MYO5B: variants seen among roughly 807,000 people sequenced by gnomAD.
MYO5B encodes myosin VB.
In MYO5B, 143 loss-of-function variants were observed where a neutral mutation model predicts 229.3. That is an observed-to-expected ratio of 0.62 (90% confidence interval 0.54 to 0.72). The LOEUF is 0.72. Ranked by LOEUF, MYO5B falls within the 30% of genes least tolerant of loss-of-function variation. MYO5B has a pLI of 0.00. For synonymous variants in MYO5B, 918 were observed against 885.2 expected (o/e 1.04, Z -0.66); for missense variants, 2,321 against 2,331.0 (o/e 1.00, Z 0.09).
intron 2 of MYO5B, among the ~76,000 whole-genome samples, chr18:50,047,460 G>A (rs540363867): frequency 1.3e-5 from 2 of 152,232 alleles, no homozygotes; most frequent in East Asian, 1.9e-4. Context: ...GAGAGGATGT[G>A]GAGAAATAGA....
At chr18:49,991,426 C>T (rs533033906) in intron 6 of MYO5B, among the ~76,000 whole-genome samples, 9 of 152,118 alleles carry the variant, frequency 5.9e-5, no homozygotes, top group African/African-American at 1.9e-4. Context: ...CATCTTGGTT[C>T]AGTGATGGGA....
chr18:49,940,640 A>C (rs1173101238), intron 14 of MYO5B, among the ~76,000 whole-genome samples: 1 of 152,034 alleles, frequency 6.6e-6, no homozygotes, highest in Admixed American at 6.6e-5. Context: ...CAGTCTGACG[A>C]CTCTGGTATT....
chr18:50,005,378 TATATATTTGCTGCAAG>T (rs1042135012), intron 4 of MYO5B, among the ~76,000 whole-genome samples: 5 of 152,252 alleles, frequency 3.3e-5, no homozygotes, highest in African/African-American at 1.2e-4. Flanking sequence ...CTCCCCATCT[TATATATTTGCTGCAAG>T]ATTGTGAGAT....
At chr18:49,877,334 T>G (rs1407793099) in intron 25 of MYO5B, among the ~76,000 whole-genome samples, 1 of 152,234 alleles carries the variant, frequency 6.6e-6, no homozygotes, top group Non-Finnish European at 1.5e-5. Flanking sequence ...GTTCTGAGTT[T>G]TATCCAGCTT....
intron 12 of MYO5B, among the ~76,000 whole-genome samples, chr18:49,955,644 T>C (rs975930646): frequency 2.0e-5 from 3 of 152,246 alleles, no homozygotes; most frequent in Admixed American, 6.5e-5. Context: ...AAGATTCATT[T>C]TGGCATAACT....
At chr18:49,939,288 G>C (rs2025287811) in intron 14 of MYO5B, among the ~76,000 whole-genome samples, 1 of 151,638 alleles carries the variant, frequency 6.6e-6, no homozygotes, top group Non-Finnish European at 1.5e-5. Flanking sequence ...TGGGACTGCA[G>C]GCGTGCACTA....
chr18:50,072,734 A>G (rs2030987949), intron 1 of MYO5B, among the ~76,000 whole-genome samples: 1 of 152,214 alleles, frequency 6.6e-6, no homozygotes, highest in African/African-American at 2.4e-5. Flanking sequence ...AGTAAGCAGC[A>G]GGACACACAG....
At chr18:49,874,878 C>T (rs2024498989) in intron 26 of MYO5B, among the ~76,000 whole-genome samples, 1 of 152,196 alleles carries the variant, frequency 6.6e-6, no homozygotes, top group African/African-American at 2.4e-5. Flanking sequence ...TCAATGGATT[C>T]TCTACTCCTA....
chr18:49,847,676 A>G (rs1218686557), intron 32 of MYO5B, among the ~76,000 whole-genome samples: 67 of 152,250 alleles, frequency 4.4e-4, no homozygotes, highest in Admixed American at 4.4e-3. Context: ...CTGACTTCTA[A>G]GGAAAGGAGA....
chr18:50,035,557 C>T (rs190189068), intron 4 of MYO5B, among the ~76,000 whole-genome samples: 1 of 152,324 alleles, frequency 6.6e-6, no homozygotes, highest in East Asian at 1.9e-4. Flanking sequence ...CATGCGCAGG[C>T]TGCATACTGT....
chr18:49,898,352 C>T (rs1443054277), intron 21 of MYO5B, among the ~76,000 whole-genome samples: 3 of 152,142 alleles, frequency 2.0e-5, no homozygotes, highest in Non-Finnish European at 4.4e-5. Flanking sequence ...TCATATTTCT[C>T]ATATAAAATA....
At chr18:49,958,580 C>T (rs1007818876) in intron 12 of MYO5B, among the ~76,000 whole-genome samples, 3 of 152,190 alleles carry the variant, frequency 2.0e-5, no homozygotes, top group Non-Finnish European at 4.4e-5. Context: ...GGCTGGTCTT[C>T]CATCCACCCA....
chr18:50,118,694 G>C (rs1402026277), intron 1 of MYO5B, among the ~76,000 whole-genome samples: 1 of 148,418 alleles, frequency 6.7e-6, no homozygotes, highest in East Asian at 2.0e-4. Flanking sequence ...GCGCGATCTC[G>C]GCTCACTGCA....
intron 1 of MYO5B, among the ~76,000 whole-genome samples, chr18:50,151,615 T>C (rs1022260441): frequency 9.2e-5 from 14 of 152,234 alleles, no homozygotes; most frequent in Non-Finnish European, 1.9e-4. Flanking sequence ...CATTGTTATG[T>C]GCATTAAACT....
chr18:49,963,043 AAG>A lies in MYO5B; in HGVS notation c.1323-15_1323-14del. 1.3e-5 allele frequency: 21 copies of A among 1,604,054 alleles called. No homozygotes were observed. Among genetic ancestry groups the A allele is most frequent in the Non-Finnish European group, 1.8e-5 (21 of 1,170,830 alleles). ...AAATGTCTCAAACCTACAGAATGGA[AAG>A]AGAAGATAAGAGACGTCTCCTTTCA... On this transcript the variant is annotated splice_polypyrimidine_tract_variant and intron_variant, in intron 10 of 39. Coordinates refer to ENST00000285039, the MANE Select transcript of MYO5B (RefSeq NM_001080467.3).
intron 4 of MYO5B, among the ~76,000 whole-genome samples, chr18:50,033,357 G>C (rs75475445): frequency 3.9e-5 from 6 of 152,070 alleles, no homozygotes; most frequent in African/African-American, 1.4e-4. Context: ...TAGTTTTCTC[G>C]GACGATCTGT....
chr18:49,999,777 T>C (rs114786421), intron 5 of MYO5B, among the ~76,000 whole-genome samples: 1,999 of 152,230 alleles, frequency 0.013, 44 homozygotes, highest in African/African-American at 0.045. Flanking sequence ...AAATGCAAAT[T>C]TGGGGGGCCC....
intron 22 of MYO5B, among the ~76,000 whole-genome samples, chr18:49,894,115 C>G (rs1217716477): frequency 2.0e-5 from 3 of 152,226 alleles, no homozygotes; most frequent in Non-Finnish European, 4.4e-5. Context: ...AGGGCCCTTC[C>G]TGCAGCAGCA....
At chr18:49,963,141 C>A in intron 10 of MYO5B, 111 bp from the exon 11 acceptor site, 1 of 830,494 alleles carries the variant, frequency 1.2e-6, no homozygotes, top group Non-Finnish European at 2.1e-6. Context: ...TACAGAATCC[C>A]CATTGTCTCA....
Sources: gnomAD v4.1 joint callset for allele counts (sites outside exome capture counted in the v4.1 genomes callset) on GRCh38, gnomAD v4.1.1 for gene constraint, MANE v1.5 for transcripts, NCBI Gene and HGNC (gene_info 2026-07-23, HGNC 2026-07-21) for gene names.